DENND1B: variants seen among roughly 807,000 people sequenced by gnomAD.
DENND1B encodes the protein DENN domain containing 1B.
DENND1B carries 59 observed loss-of-function variants against 90.1 expected under a neutral mutation model. The ratio of observed to expected loss-of-function variants is 0.65; its 90% CI spans 0.53 to 0.81. The LOEUF is 0.81. Among genes scored for constraint, DENND1B ranks in the 40% least tolerant of loss-of-function variants. The pLI is 0.00. For synonymous variants in DENND1B, 337 were observed against 324.6 expected, an observed-to-expected ratio of 1.04 and a Z score of -0.41; for missense variants, 862 against 912.6, an observed-to-expected ratio of 0.94 and a Z score of 0.71.
At chr1:197,740,693 G>A (rs1027751003) in intron 2 of DENND1B, among the ~76,000 whole-genome samples, 1 of 152,074 alleles carries the variant, frequency 6.6e-6, no homozygotes, top group Non-Finnish European at 1.5e-5. Flanking sequence ...TTTACCTGAA[G>A]GAACTTGAGT....
intron 13 of DENND1B, among the ~76,000 whole-genome samples, chr1:197,595,904 T>A (rs1347003933): frequency 6.6e-6 from 1 of 152,114 alleles, no homozygotes; most frequent in Non-Finnish European, 1.5e-5. Context: ...ATACATTGTG[T>A]CATTTAATCT....
intron 20 of DENND1B, among the ~76,000 whole-genome samples, chr1:197,520,912 C>T (rs10801610): frequency 0.95 from 144,790 of 151,876 alleles, 69,384 homozygotes; most frequent in South Asian, 1. Flanking sequence ...AGTGAACATT[C>T]GTATAACAAG....
In DENND1B at chr1:197,509,624, AGAT is replaced by A. The variant is rs1171816429; in HGVS notation, c.*833_*835del. On this transcript the variant is annotated 3_prime_UTR_variant, in exon 23 of 23. Coordinates refer to ENST00000620048, the MANE Select transcript of DENND1B (RefSeq NM_001195215.2). Reference sequence around the variant, plus strand: ...TGATAGAGAATTATTAGTTAAAAAAAGATTTTTTTTTTTTTTTTTGTCAGGACG... The same window carrying A: ...TGATAGAGAATTATTAGTTAAAAAAATTTTTTTTTTTTTTTTGTCAGGACG... 1 of 94,832 alleles carries A rather than the reference AGAT, an allele frequency of 1.1e-5. No homozygotes were observed. Among genetic ancestry groups the A allele is most frequent in the African/African-American group, 4.2e-5 (1 of 23,762 alleles). The allele number at this position is 94,832 out of a possible 1,614,324, so 5.9% of individuals were successfully genotyped here. A position where few individuals can be genotyped will look rare whatever the true frequency, so the allele number is the denominator to read the frequency against.
At chr1:197,735,581 A>AT (rs759199062) in intron 2 of DENND1B, 1 of 1,614,138 alleles carries the variant, frequency 6.2e-7, no homozygotes, top group East Asian at 2.2e-5. Flanking sequence ...TCTAAAGGGT[A>AT]TTACTCGAAA....
At chr1:197,727,103 G>C (rs1428789258) in intron 2 of DENND1B, among the ~76,000 whole-genome samples, 1 of 152,094 alleles carries the variant, frequency 6.6e-6, no homozygotes, top group African/African-American at 2.4e-5. Context: ...ATTAACCTTT[G>C]AGGTCAAGAT....
At chr1:197,625,516 A>C (rs1308191271) in intron 10 of DENND1B, among the ~76,000 whole-genome samples, 3 of 152,262 alleles carry the variant, frequency 2.0e-5, no homozygotes, top group Admixed American at 2.0e-4. Context: ...TGAAGGAAGC[A>C]CTAAACATGG....
intron 5 of DENND1B, among the ~76,000 whole-genome samples, chr1:197,669,422 G>T (rs994943908): frequency 4.6e-5 from 7 of 152,022 alleles, no homozygotes; most frequent in African/African-American, 1.7e-4. Flanking sequence ...TTCCTTTCCA[G>T]GGGATACACT....
chr1:197,754,675 A>AAAAAAAC (rs1654039858), intron 2 of DENND1B, among the ~76,000 whole-genome samples: 1 of 151,292 alleles, frequency 6.6e-6, no homozygotes, highest in African/African-American at 2.4e-5. Flanking sequence ...AAAAAAAAAA[A>AAAAAAAC]AAAAAAAAAA....
chr1:197,600,510 A>G (rs1676108455), intron 13 of DENND1B, among the ~76,000 whole-genome samples: 1 of 151,698 alleles, frequency 6.6e-6, no homozygotes, highest in Non-Finnish European at 1.5e-5. Flanking sequence ...CATACCTTAA[A>G]CCTAGAGTTG....
At chr1:197,753,718 T>C (rs1653872401) in intron 2 of DENND1B, among the ~76,000 whole-genome samples, 1 of 152,040 alleles carries the variant, frequency 6.6e-6, no homozygotes, top group Admixed American at 6.5e-5. Flanking sequence ...ATAAAGTCGA[T>C]GGCCACGCGC....
At chr1:197,768,806 C>T (rs1006223519) in intron 2 of DENND1B, among the ~76,000 whole-genome samples, 2 of 151,374 alleles carry the variant, frequency 1.3e-5, no homozygotes, top group Admixed American at 1.3e-4. Context: ...ATTTGTAGAG[C>T]ACTCCATATG....
chr1:197,546,933 G>T (rs1670855115), intron 16 of DENND1B, among the ~76,000 whole-genome samples, 160 bp from the exon 17 acceptor site: 1 of 152,110 alleles, frequency 6.6e-6, no homozygotes, highest in African/African-American at 2.4e-5. Context: ...AACATATCTG[G>T]TTCCAAATTC....
upstream of DENND1B, among the ~76,000 whole-genome samples, chr1:197,778,868 C>A (rs960305375): frequency 1.3e-5 from 2 of 151,838 alleles, no homozygotes; most frequent in African/African-American, 4.8e-5. Context: ...TACTCTGTTT[C>A]TATTCATTTA....
At chr1:197,744,592 A>G (rs1429318738) in intron 2 of DENND1B, among the ~76,000 whole-genome samples, 4 of 152,188 alleles carry the variant, frequency 2.6e-5, no homozygotes, top group Admixed American at 2.0e-4. Flanking sequence ...AGGCTTTGTT[A>G]TTCCATTTAT....
At chr1:197,622,948 C>T (rs996413107) in intron 10 of DENND1B, among the ~76,000 whole-genome samples, 6 of 151,332 alleles carry the variant, frequency 4.0e-5, no homozygotes, top group African/African-American at 1.5e-4. Context: ...AGCAGAAAGA[C>T]AATCCATCTA....
chr1:197,747,321 G>T, intron 2 of DENND1B: 1 of 586,240 alleles, frequency 1.7e-6, no homozygotes, highest in South Asian at 1.7e-5. Context: ...TATGATTTCT[G>T]TTTTTCTGAT....
At chr1:197,623,359 A>C (rs1024842092) in intron 10 of DENND1B, among the ~76,000 whole-genome samples, 2 of 151,468 alleles carry the variant, frequency 1.3e-5, no homozygotes, top group Admixed American at 1.3e-4. Context: ...TGGAAACCAT[A>C]AAGAAAAAAA....
At chr1:197,665,818 A>C (rs948544037) in intron 5 of DENND1B, among the ~76,000 whole-genome samples, 5 of 152,116 alleles carry the variant, frequency 3.3e-5, no homozygotes, top group Middle Eastern at 3.2e-3. Flanking sequence ...GAAGATTTTT[A>C]TGAAAATATA....
chr1:197,550,290 A>G (rs1288974905), intron 16 of DENND1B, among the ~76,000 whole-genome samples: 1 of 152,132 alleles, frequency 6.6e-6, no homozygotes. Context: ...CATTAAGAAA[A>G]TCTACTATAA....
Sources: allele counts gnomAD v4.1 joint callset (sites outside exome capture counted in the v4.1 genomes callset), GRCh38; gene constraint gnomAD v4.1.1; transcripts MANE v1.5; gene names NCBI Gene and HGNC (gene_info 2026-07-23, HGNC 2026-07-21).